The following AOPEP variants were observed in gnomAD, a reference collection of about 807,000 sequenced individuals.
AOPEP encodes the protein aminopeptidase O (putative), also known as aminopeptidase O.
In AOPEP, 77 loss-of-function variants were observed where a neutral mutation model predicts 98.1. The ratio of observed to expected loss-of-function variants is 0.78; its 90% CI spans 0.65 to 0.95. The LOEUF (loss-of-function observed/expected upper bound fraction) is 0.95. Ranked by LOEUF, AOPEP falls within the 40% of genes least tolerant of loss-of-function variation. AOPEP has a pLI of 0.00. For synonymous variants in AOPEP, 346 were observed against 365.3 expected (o/e 0.95, Z 0.60); for missense variants, 1,024 against 1,024.7 (o/e 1.00, Z 0.01).
At chr9:94,815,472 C>T (rs1213234133) in intron 5 of AOPEP, among the ~76,000 whole-genome samples, 1 of 152,152 alleles carries the variant, frequency 6.6e-6, no homozygotes, top group African/African-American at 2.4e-5. Context: ...TGAGGCTCCT[C>T]AGTTATGATG....
At chr9:95,027,654 T>C (rs2133302930) in intron 13 of AOPEP, among the ~76,000 whole-genome samples, 1 of 152,308 alleles carries the variant, frequency 6.6e-6, no homozygotes, top group African/African-American at 2.4e-5. Context: ...GGTGTTAGAA[T>C]TTGGTAGCTT....
chr9:94,776,899 G>T (rs1842227198), intron 3 of AOPEP, among the ~76,000 whole-genome samples: 1 of 150,410 alleles, frequency 6.6e-6, no homozygotes, highest in South Asian at 2.1e-4. Flanking sequence ...TCTTAAGTTG[G>T]CTGGGAAATA....
rs1004862293 is a variant in AOPEP at position 94,827,073 on chromosome 9, C to A, written c.1364+26071C>A. Among the ~76,000 whole-genome samples, 3 of 152,178 alleles carry A rather than the reference C, an allele frequency of 2.0e-5. No homozygotes were observed. In the East Asian group the frequency reaches 5.8e-4, roughly 29 times the overall value. On this transcript the variant is annotated intron_variant, in intron 5 of 16. Coordinates refer to ENST00000375315, the MANE Select transcript of AOPEP (RefSeq NM_001193329.3). ...TGTGGAAGAGATGGATACATGCCCCCTTTTCAGAAGCTGGTCTCCATTTTA... is the reference window on the plus strand; with the variant it reads ...TGTGGAAGAGATGGATACATGCCCCATTTTCAGAAGCTGGTCTCCATTTTA...
At chr9:94,767,129 C>CT (rs1431131913) in intron 2 of AOPEP, among the ~76,000 whole-genome samples, 1 of 152,180 alleles carries the variant, frequency 6.6e-6, no homozygotes, top group Non-Finnish European at 1.5e-5. Flanking sequence ...CAATTAGCAC[C>CT]TTTTTTTCCC....
At chr9:94,976,293 CTT>C (rs71901711) in intron 10 of AOPEP, among the ~76,000 whole-genome samples, 7,067 of 152,212 alleles carry the variant, frequency 0.046, 455 homozygotes, top group African/African-American at 0.14. Context: ...TTGGACCTCA[CTT>C]AATAACATTC....
chr9:95,107,144 C>T, the AOPEP span: 2 of 1,614,218 alleles, frequency 1.2e-6, 1 homozygote, highest in Middle Eastern at 3.3e-4. Flanking sequence ...GCCTGATCAG[C>T]TGTTGTGCAG....
At chr9:94,751,277 A>G (rs1226718156) in intron 1 of AOPEP, among the ~76,000 whole-genome samples, 1 of 152,180 alleles carries the variant, frequency 6.6e-6, no homozygotes, top group African/African-American at 2.4e-5. Context: ...TATAAGTACT[A>G]TCAGTGGGAG....
intron 13 of AOPEP, among the ~76,000 whole-genome samples, chr9:95,047,332 G>A (rs146717813): frequency 1.3e-3 from 205 of 152,162 alleles, no homozygotes; most frequent in Non-Finnish European, 1.9e-3. Context: ...AACCTTTCAC[G>A]TAAACTTTGT....
intron 5 of AOPEP, among the ~76,000 whole-genome samples, chr9:94,894,635 A>G (rs1400690728): frequency 2.0e-5 from 3 of 152,196 alleles, no homozygotes; most frequent in Non-Finnish European, 4.4e-5. Context: ...AAATTTCAAT[A>G]AACAGGTCAG....
chr9:94,795,466 A>G (rs911534485), intron 4 of AOPEP, among the ~76,000 whole-genome samples: 2 of 152,172 alleles, frequency 1.3e-5, no homozygotes, highest in African/African-American at 4.8e-5. Context: ...GGCTTTGTCC[A>G]TGGGTTCTCA....
chr9:95,119,373 T>C, the AOPEP span, among the ~76,000 whole-genome samples: 1 of 151,750 alleles, frequency 6.6e-6, no homozygotes, highest in African/African-American at 2.4e-5. Flanking sequence ...TTCTTTTTTT[T>C]TTTTTTTAAT....
Position 94,982,334 on chromosome 9 carries a change from G to A in AOPEP, c.1977+2907G>A, listed in dbSNP as rs1346292811. On this transcript the variant is annotated intron_variant, in intron 11 of 16. Coordinates refer to ENST00000375315, the MANE Select transcript of AOPEP (RefSeq NM_001193329.3). ...CCCTCCGTAGCAAATTCAAACAATA[G>A]CAAAATAGAAAATGTGAAACTCCTC... Among the ~76,000 whole-genome samples the A allele has an allele frequency of 2.0e-5, 3 of 151,988 alleles. No homozygotes were observed. The East Asian group carries it at 5.8e-4, about 29-fold the overall frequency.
intron 2 of AOPEP, among the ~76,000 whole-genome samples, chr9:94,762,123 G>C (rs1444223182): frequency 6.6e-6 from 1 of 152,182 alleles, no homozygotes; most frequent in African/African-American, 2.4e-5. Context: ...AAAGTGATGA[G>C]TACTTACAGA....
At chr9:95,137,834 G>A in the AOPEP span, among the ~76,000 whole-genome samples, 1 of 152,344 alleles carries the variant, frequency 6.6e-6, no homozygotes, top group East Asian at 1.9e-4. Flanking sequence ...CAGAGCACGA[G>A]AAGATACAAA....
intron 13 of AOPEP, among the ~76,000 whole-genome samples, chr9:95,024,725 G>A (rs10993458): frequency 0.039 from 5,980 of 152,262 alleles, 168 homozygotes; most frequent in South Asian, 0.078. Context: ...ATACTCAAGG[G>A]AATGGTGGGA....
the AOPEP span, among the ~76,000 whole-genome samples, chr9:95,139,190 T>G: frequency 4.6e-5 from 7 of 152,128 alleles, no homozygotes; most frequent in Non-Finnish European, 5.9e-5. Context: ...CCGATAAAAA[T>G]GTGCAGCTCT....
At chr9:94,928,245 G>A (rs772173152) in intron 6 of AOPEP, among the ~76,000 whole-genome samples, 180 bp from the exon 7 acceptor site, 2 of 152,204 alleles carry the variant, frequency 1.3e-5, no homozygotes, top group African/African-American at 2.4e-5. Flanking sequence ...GAGCGTGCAC[G>A]GTTGGTTTTT....
the AOPEP span, chr9:95,111,627 C>T: frequency 6.2e-7 from 1 of 1,614,174 alleles, no homozygotes; most frequent in East Asian, 2.2e-5. Flanking sequence ...TCAAAGGGAC[C>T]TCCGCAGGAC....
chr9:94,830,849 C>G lies in AOPEP; in HGVS notation c.1364+29847C>G, dbSNP rs769569758. On this transcript the variant is annotated intron_variant, in intron 5 of 16. Transcript: ENST00000375315. Reference sequence around the variant, plus strand: ...TGTTTGTTGGCTGCACAGATGTCCTCTCTTGAGAAGTGTCTGTTCATGTCC... The same window carrying G: ...TGTTTGTTGGCTGCACAGATGTCCTGTCTTGAGAAGTGTCTGTTCATGTCC... Among the ~76,000 whole-genome samples, 10 of 152,172 alleles carry G rather than the reference C, an allele frequency of 6.6e-5. 1 individual carries two copies. The highest frequency in any genetic ancestry group is 1.0e-4 in the Non-Finnish European group (7 of 68,036).
Sources: gnomAD v4.1 joint callset for allele counts (sites outside exome capture counted in the v4.1 genomes callset) on GRCh38, gnomAD v4.1.1 for gene constraint, MANE v1.5 for transcripts, NCBI Gene and HGNC (gene_info 2026-07-23, HGNC 2026-07-21) for gene names.